Variants in PLA2G12B observed in about 807,000 individuals in gnomAD.
PLA2G12B encodes the protein phospholipase A2 group XIIB.
Under a neutral mutation model 22.3 loss-of-function variants are expected in PLA2G12B, and 19 were observed. The ratio of observed to expected loss-of-function variants is 0.85; its 90% confidence interval spans 0.60 to 1.25. The LOEUF (loss-of-function observed/expected upper bound fraction) is 1.25. Among genes scored for constraint, PLA2G12B ranks in the 50% most tolerant of loss-of-function variants. The probability of loss-of-function intolerance (pLI) is 0.00; values close to 1 mark genes in which losing one functional copy is unlikely to be tolerated. For missense variants in PLA2G12B, 191 were observed against 246.6 expected, an observed-to-expected ratio of 0.77 and a Z score of 1.51; for synonymous variants, 81 against 94.9, an observed-to-expected ratio of 0.85 and a Z score of 0.85.
rs1294076597 is a variant in PLA2G12B, at chr10:72,935,747, AG to A, written c.467-10del. On this transcript the variant is annotated splice_polypyrimidine_tract_variant and intron_variant, in intron 3 of 3. Coordinates refer to ENST00000373032, the MANE Select transcript of PLA2G12B (RefSeq NM_032562.5). ...CAGGGAATCACAGGCTGCTTGAAAA[AG>A]ATGAAGAGGGACAGAAAGGTTAACC... The A allele has an allele frequency of 1.2e-6, 2 of 1,613,340 alleles. No individual in the cohort carries two copies. The highest frequency in any genetic ancestry group is 1.3e-5 in the African/African-American group (1 of 75,038).
chr10:72,941,667 G>A (rs970668558), intron 2 of PLA2G12B, among the ~76,000 whole-genome samples: 3 of 152,096 alleles, frequency 2.0e-5, no homozygotes, highest in Non-Finnish European at 4.4e-5. Context: ...GAACCATAGG[G>A]CTTCTAAATT....
chr10:72,942,811 A>G (rs939525267), intron 1 of PLA2G12B, 71 bp from the exon 2 acceptor site: 11 of 1,357,320 alleles, frequency 8.1e-6, no homozygotes, highest in Middle Eastern at 1.8e-4. Flanking sequence ...ACATTCATCA[A>G]ATGAAAATTT....
intron 1 of PLA2G12B, 125 bp from the exon 2 acceptor site, chr10:72,942,865 C>G (rs895304835): frequency 1.3e-6 from 1 of 758,348 alleles, no homozygotes; most frequent in African/African-American, 1.8e-5. Context: ...CACTGTTCCT[C>G]ACATCCAAAT....
In PLA2G12B at chr10:72,934,865, A is replaced by C. The variant is rs2132957151; in HGVS notation, c.*752T>G. Among the ~76,000 whole-genome samples, 1 of 152,300 alleles carries C rather than the reference A, an allele frequency of 6.6e-6. No individual in the cohort carries two copies. The highest frequency in any genetic ancestry group is 2.1e-4 in the South Asian group (1 of 4,818). On this transcript the variant is annotated 3_prime_UTR_variant, in exon 4 of 4. Transcript: ENST00000373032. ...CCGACAGGCTGCAGGGACTTTTCCT[A>C]GCTAGCTCCATCAGTAACTCTTAGC...
rs1335995086 is a variant in PLA2G12B at position 72,941,280 on chromosome 10, A to G, written c.355T>C (p.Tyr119His). Reference protein sequence around the residue: ...TKCCNQLDVCYDTCGANKYRC... With the variant: ...TKCCNQLDVCHDTCGANKYRC... The stretch of plus-strand genomic sequence containing the variant: ...TATTTGTTGGCACCGCAAGTGTCAT[A>G]ACAGACATCCAGCTGGTTGCAGCAC... The change falls in exon 3 of 4, where the codon TAT (tyrosine) becomes CAT (histidine). Residue 119 changes from tyrosine (Y) to histidine (H), a missense_variant. Coordinates refer to ENST00000373032, the MANE Select transcript of PLA2G12B (RefSeq NM_032562.5). 1 of 1,613,778 alleles carries G rather than the reference A, an allele frequency of 6.2e-7. No individual in the cohort carries two copies. The highest frequency in any genetic ancestry group is 1.3e-5 in the African/African-American group (1 of 74,922).
At chr10:72,947,998 C>A (rs945847238) in intron 1 of PLA2G12B, among the ~76,000 whole-genome samples, 1 of 152,198 alleles carries the variant, frequency 6.6e-6, no homozygotes, top group African/African-American at 2.4e-5. Flanking sequence ...CCTCAGCCTC[C>A]TGAGTAGCTG....
chr10:72,935,468 T>C lies in PLA2G12B; in HGVS notation c.*149A>G. On this transcript the variant is annotated 3_prime_UTR_variant, in exon 4 of 4. Transcript: ENST00000373032. ...ATTTCCTCAAAGGATAGGACTCACT[T>C]TCCAGCTGTAGAAAAATGTTCCCTT... is the stretch of plus-strand genomic sequence containing the variant. The C allele has an allele frequency of 8.2e-7, 1 of 1,212,574 alleles. No homozygotes were observed. Among genetic ancestry groups the C allele is most frequent in the Non-Finnish European group, 1.1e-6 (1 of 871,908 alleles). 75.1% of individuals were successfully genotyped at this position (1,212,574 alleles called of 1,614,324 possible). A position where few individuals can be genotyped will look rare whatever the true frequency, so the allele number is the denominator to read the frequency against.
chr10:72,935,774 C>G, intron 3 of PLA2G12B, 36 bp from the exon 4 acceptor site: 1 of 1,605,458 alleles, frequency 6.2e-7, no homozygotes, highest in Non-Finnish European at 8.5e-7. Context: ...AAGGTTAACC[C>G]TGAGTAATTT....
chr10:72,945,197 C>T (rs1846420125), intron 1 of PLA2G12B, among the ~76,000 whole-genome samples: 1 of 152,178 alleles, frequency 6.6e-6, no homozygotes, highest in South Asian at 2.1e-4. Flanking sequence ...CTGGTATTCA[C>T]CTCCTTGTAT....
chr10:72,951,451 C>A (rs1002377757), intron 1 of PLA2G12B, among the ~76,000 whole-genome samples: 66 of 142,264 alleles, frequency 4.6e-4, no homozygotes, highest in African/African-American at 1.8e-3. Flanking sequence ...GGCACAGACT[C>A]CTTTTTTTTT....
At chr10:72,950,244 CCTT>C (rs1846507617) in intron 1 of PLA2G12B, among the ~76,000 whole-genome samples, 1 of 152,176 alleles carries the variant, frequency 6.6e-6, no homozygotes, top group South Asian at 2.1e-4. Flanking sequence ...CTCCCCTCCT[CCTT>C]GAGTCCCCAG....
At chr10:72,947,984 C>A in intron 1 of PLA2G12B, among the ~76,000 whole-genome samples, 1 of 152,228 alleles carries the variant, frequency 6.6e-6, no homozygotes, top group Non-Finnish European at 1.5e-5. Context: ...AAGCCATTCT[C>A]CTGCCTCAGC....
chr10:72,941,608 G>A (rs1294436997), intron 2 of PLA2G12B, among the ~76,000 whole-genome samples: 1 of 152,050 alleles, frequency 6.6e-6, no homozygotes, highest in African/African-American at 2.4e-5. Flanking sequence ...AAATTCAGAG[G>A]CAGCTTACAG....
chr10:72,954,463 C>T lies in PLA2G12B; in HGVS notation c.211+12G>A. 5.0e-6 allele frequency: 8 copies of T among 1,614,164 alleles called. No homozygotes were observed. Among genetic ancestry groups the T allele is most frequent in the Non-Finnish European group, 6.8e-6 (8 of 1,180,026 alleles). On this transcript the variant is annotated intron_variant, in intron 1 of 3. Coordinates refer to ENST00000373032, the MANE Select transcript of PLA2G12B (RefSeq NM_032562.5). ...GCAACAGTTTTTACAGAAAGAGAAA[C>T]CGCACACTCACCATATCGGCACCTG... is the stretch of plus-strand genomic sequence containing the variant.
chr10:72,945,522 G>A (rs778251488), intron 1 of PLA2G12B, among the ~76,000 whole-genome samples: 4 of 152,156 alleles, frequency 2.6e-5, no homozygotes, highest in Non-Finnish European at 4.4e-5. Context: ...AGCCAGAATC[G>A]CCCAGCAAAG....
chr10:72,937,311 G>A (rs1057431237), intron 3 of PLA2G12B, among the ~76,000 whole-genome samples: 5 of 152,184 alleles, frequency 3.3e-5, no homozygotes, highest in Admixed American at 2.0e-4. Flanking sequence ...GTAGAAAGAC[G>A]TGAACTGCTG....
chr10:72,946,231 T>C (rs887833750), intron 1 of PLA2G12B, among the ~76,000 whole-genome samples: 1 of 152,236 alleles, frequency 6.6e-6, no homozygotes, highest in Non-Finnish European at 1.5e-5. Flanking sequence ...GTGTCTGGCT[T>C]CTTTCTCTTA....
intron 2 of PLA2G12B, among the ~76,000 whole-genome samples, chr10:72,941,999 C>T (rs764521097): frequency 5.9e-5 from 9 of 152,082 alleles, no homozygotes; most frequent in African/African-American, 2.2e-4. Context: ...TAAAATGCCA[C>T]GTGTCTGGGT....
intron 3 of PLA2G12B, among the ~76,000 whole-genome samples, chr10:72,939,096 G>A (rs1379321686): frequency 6.6e-6 from 1 of 152,144 alleles, no homozygotes; most frequent in Non-Finnish European, 1.5e-5. Flanking sequence ...GGGGAGTTTG[G>A]GGAGAGACCG....
Sources: allele counts gnomAD v4.1 joint callset (sites outside exome capture counted in the v4.1 genomes callset), GRCh38; gene constraint gnomAD v4.1.1; transcripts MANE v1.5; gene names NCBI Gene and HGNC (gene_info 2026-07-23, HGNC 2026-07-21).